The following CEP63 variants were observed in gnomAD, a reference collection of about 807,000 sequenced individuals.
The protein encoded by CEP63 is centrosomal protein 63.
CEP63 carries 84 observed loss-of-function variants against 89.1 expected under a neutral mutation model. The ratio of observed to expected loss-of-function variants is 0.94; its 90% CI spans 0.79 to 1.13. The LOEUF (loss-of-function observed/expected upper bound fraction) is 1.13, where lower values mean the gene tolerates loss of function less well. Ranked by LOEUF, CEP63 falls within the 50% of genes most tolerant of loss-of-function variation. The pLI, the probability that CEP63 is intolerant of heterozygous loss-of-function variation, is 0.00. For synonymous variants in CEP63, 267 were observed against 272.5 expected (o/e 0.98, Z 0.20); for missense variants, 838 against 813.3 (o/e 1.03, Z -0.37).
Position 134,550,396 on chromosome 3 carries a change from A to T in CEP63, c.1380+136A>T, listed in dbSNP as rs543512322. 1.2e-5 allele frequency: 10 copies of T among 862,910 alleles called. No individual in the cohort carries two copies. The African/African-American group carries it at 1.7e-4, about 15-fold the overall frequency. 53.5% of individuals were successfully genotyped at this position (862,910 alleles called of 1,614,324 possible). A position where few individuals can be genotyped will look rare whatever the true frequency, so the allele number is the denominator to read the frequency against. On this transcript the variant is annotated intron_variant, in intron 11 of 14. Coordinates refer to ENST00000675561, the MANE Select transcript of CEP63 (RefSeq NM_001353108.3). ...GCTTTGAGCTGAGAGTATGCTGGCT[A>T]GCAAAGAGTTTAGTGAGCATGGTGG... is the stretch of plus-strand genomic sequence containing the variant.
At chr3:134,648,121 C>T in the CEP63 span, among the ~76,000 whole-genome samples, 1 of 152,236 alleles carries the variant, frequency 6.6e-6, no homozygotes, top group Non-Finnish European at 1.5e-5. Context: ...GTTCCTGGCA[C>T]AGCATGGGGA....
the CEP63 span, among the ~76,000 whole-genome samples, chr3:134,664,460 G>T: frequency 1.3e-5 from 2 of 152,218 alleles, no homozygotes; most frequent in African/African-American, 2.4e-5. Flanking sequence ...CACACTCGGG[G>T]CTTCTCTGGC....
At chr3:134,605,766 C>G in the CEP63 span, among the ~76,000 whole-genome samples, 1 of 152,014 alleles carries the variant, frequency 6.6e-6, no homozygotes, top group South Asian at 2.1e-4. Context: ...AATAACGAGG[C>G]CTCTCAGACC....
At chr3:134,645,213 A>G in the CEP63 span, among the ~76,000 whole-genome samples, 2 of 152,158 alleles carry the variant, frequency 1.3e-5, no homozygotes, top group African/African-American at 4.8e-5. Flanking sequence ...TGGGCAAGCT[A>G]TTGGGGTGGG....
chr3:134,506,257 A>G (rs1293167322), intron 2 of CEP63, among the ~76,000 whole-genome samples: 1 of 152,230 alleles, frequency 6.6e-6, no homozygotes, highest in African/African-American at 2.4e-5. Context: ...TACAATAGTA[A>G]GGTAGACTAC....
the CEP63 span, among the ~76,000 whole-genome samples, chr3:134,764,274 C>T: frequency 4.5e-3 from 689 of 152,244 alleles, 7 homozygotes; most frequent in African/African-American, 0.015. Flanking sequence ...CAAAGCCTTC[C>T]GAGGCATTCT....
chr3:134,600,014 A>G, the CEP63 span, among the ~76,000 whole-genome samples: 1 of 152,250 alleles, frequency 6.6e-6, no homozygotes, highest in East Asian at 1.9e-4. Context: ...CACACAACTC[A>G]ATGCACACAT....
At chr3:134,731,447 A>G in the CEP63 span, among the ~76,000 whole-genome samples, 2 of 152,196 alleles carry the variant, frequency 1.3e-5, no homozygotes, top group Non-Finnish European at 2.9e-5. Context: ...TGAGAAATAA[A>G]CAAACAAAAT....
the CEP63 span, among the ~76,000 whole-genome samples, chr3:134,735,702 G>A: frequency 9.9e-5 from 15 of 152,178 alleles, no homozygotes; most frequent in Middle Eastern, 3.4e-3. Context: ...ATGCATTTTA[G>A]CAAGTAGTCA....
intron 1 of CEP63, among the ~76,000 whole-genome samples, chr3:134,488,806 C>T (rs532111129): frequency 3.3e-5 from 5 of 152,118 alleles, no homozygotes; most frequent in South Asian, 4.2e-4. Context: ...TTGCACTGTC[C>T]GGTATTGTAG....
chr3:134,717,955 T>G, the CEP63 span, among the ~76,000 whole-genome samples: 1 of 152,214 alleles, frequency 6.6e-6, no homozygotes, highest in African/African-American at 2.4e-5. Flanking sequence ...TGTGTAAATC[T>G]GTTGGCTTTA....
Position 134,545,631 on chromosome 3 carries a change from T to TCTAGC in CEP63, c.603_607dup (p.Gln203LeufsTer9), listed in dbSNP as rs754153612. The TCTAGC allele has an allele frequency of 6.2e-7, 1 of 1,614,164 alleles. No individual in the cohort carries two copies. The highest frequency in any genetic ancestry group is 1.1e-5 in the South Asian group (1 of 91,086). On this transcript the variant is annotated frameshift_variant, in exon 7 of 15. Coordinates refer to ENST00000675561, the MANE Select transcript of CEP63 (RefSeq NM_001353108.3). LOFTEE classifies it high-confidence loss of function. ...ACAGAAATTAGAGTCTGTGGAACTT[T>TCTAGC]CTAGCCAATCAGAAATTCAACACTT...
the CEP63 span, among the ~76,000 whole-genome samples, chr3:134,614,461 T>A: frequency 6.6e-6 from 1 of 152,150 alleles, no homozygotes; most frequent in East Asian, 1.9e-4. Context: ...TGGAGAAAGC[T>A]GCAGCCCCCA....
the CEP63 span, among the ~76,000 whole-genome samples, chr3:134,709,714 T>A: frequency 3.9e-5 from 6 of 152,214 alleles, no homozygotes; most frequent in African/African-American, 1.4e-4. Context: ...GGGAATCAGA[T>A]ATGTCCCTCT....
chr3:134,492,689 T>C (rs1938159861), intron 1 of CEP63, among the ~76,000 whole-genome samples: 1 of 152,082 alleles, frequency 6.6e-6, no homozygotes, highest in Non-Finnish European at 1.5e-5. Flanking sequence ...GTGGCCACAG[T>C]AGTGATGTCA....
chr3:134,679,310 G>A, the CEP63 span, among the ~76,000 whole-genome samples: 1 of 152,106 alleles, frequency 6.6e-6, no homozygotes, highest in South Asian at 2.1e-4. Flanking sequence ...AAGGCCCCAC[G>A]GCTCATTTGG....
chr3:134,664,214 G>A, the CEP63 span, among the ~76,000 whole-genome samples: 9 of 152,172 alleles, frequency 5.9e-5, no homozygotes, highest in East Asian at 3.8e-4. Flanking sequence ...TAAAAAGGCC[G>A]TCTAGGAACC....
At chr3:134,726,513 G>T in the CEP63 span, among the ~76,000 whole-genome samples, 5 of 150,452 alleles carry the variant, frequency 3.3e-5, no homozygotes, top group Admixed American at 1.3e-4. Flanking sequence ...CACAGAGCAA[G>T]AATGTACCCA....
the CEP63 span, among the ~76,000 whole-genome samples, chr3:134,740,849 G>A: frequency 6.6e-6 from 1 of 152,220 alleles, no homozygotes; most frequent in African/African-American, 2.4e-5. Flanking sequence ...GTACACCTCA[G>A]AGGAGAGGAA....
Sources: gnomAD v4.1 joint callset for allele counts (sites outside exome capture counted in the v4.1 genomes callset) on GRCh38, gnomAD v4.1.1 for gene constraint, MANE v1.5 for transcripts, NCBI Gene and HGNC (gene_info 2026-07-23, HGNC 2026-07-21) for gene names.